USP3: variants seen among roughly 807,000 people sequenced by gnomAD.
USP3 encodes the protein ubiquitin carboxyl-terminal hydrolase 3.
USP3 carries 20 observed loss-of-function variants against 72.3 expected under a neutral mutation model. The observed-to-expected ratio is 0.28, with a 90% CI of 0.19 to 0.40. The LOEUF is 0.40. Among genes scored for constraint, USP3 ranks in the 10% least tolerant of loss-of-function variants. The pLI is 1.00. For synonymous variants in USP3, 222 were observed against 225.3 expected, an observed-to-expected ratio of 0.99 and a Z score of 0.13; for missense variants, 479 against 633.9, an observed-to-expected ratio of 0.76 and a Z score of 2.62.
In USP3 at chr15:63,588,630, A is replaced by ATAGTAG; in HGVS notation, c.1216-69_1216-64dup. Reference sequence around the variant, plus strand: ...AGCTAAAATGTTATTTACTGAACTGATAGTAGTATCAAACTTTGACTGAAA... The same window carrying ATAGTAG: ...AGCTAAAATGTTATTTACTGAACTGATAGTAGTAGTAGTATCAAACTTTGACTGAAA... On this transcript the variant is annotated intron_variant, in intron 12 of 14. Coordinates refer to ENST00000380324, the MANE Select transcript of USP3 (RefSeq NM_006537.4). The surrounding 1 kb of genome is among the most constrained non-coding windows in gnomAD (Gnocchi z 4.6). The ATAGTAG allele has an allele frequency of 1.7e-6, 2 of 1,152,980 alleles. No homozygotes were observed. Among genetic ancestry groups the ATAGTAG allele is most frequent in the Non-Finnish European group, 2.6e-6 (2 of 777,582 alleles). 71.4% of individuals were successfully genotyped at this position (1,152,980 alleles called of 1,614,324 possible).
intron 3 of USP3, among the ~76,000 whole-genome samples, chr15:63,550,683 C>G (rs2066424036): frequency 6.6e-6 from 1 of 152,166 alleles, no homozygotes; most frequent in Non-Finnish European, 1.5e-5. Context: ...CTTAATTGGT[C>G]TTTAATATTG....
At chr15:63,563,877 C>T (rs759651832) in intron 8 of USP3, among the ~76,000 whole-genome samples, 26 of 152,148 alleles carry the variant, frequency 1.7e-4, no homozygotes, top group Non-Finnish European at 2.8e-4. Flanking sequence ...CTTCAAAGGA[C>T]TTTAAATTGT....
intron 1 of USP3, among the ~76,000 whole-genome samples, chr15:63,521,648 G>T (rs1427116149): frequency 6.6e-6 from 1 of 152,138 alleles, no homozygotes; most frequent in African/African-American, 2.4e-5. Flanking sequence ...GCAGTTAACT[G>T]TTCCTTGTAC....
chr15:63,524,352 G>T (rs934461110), intron 1 of USP3, among the ~76,000 whole-genome samples: 1 of 152,240 alleles, frequency 6.6e-6, no homozygotes, highest in Admixed American at 6.5e-5. Context: ...AGTCATTCCA[G>T]TGAGTTGTTT....
At chr15:63,561,549 A>G (rs2066608069) in intron 7 of USP3, among the ~76,000 whole-genome samples, 1 of 152,144 alleles carries the variant, frequency 6.6e-6, no homozygotes, top group African/African-American at 2.4e-5. Flanking sequence ...TGCACTCCGG[A>G]TGGTGCTCTT....
rs754585927 is a variant in USP3, at chr15:63,588,722, A to G, written c.1236A>G (p.Lys412=). ...TCCAGGTGCTATGCTTACATTTGAA[A>G]AGATTTCATTGGACAGCATATTTAA... is the stretch of plus-strand genomic sequence containing the variant. ...KLPKVLCLHL[K]RFHWTAYLRN... Residue 412 remains lysine, a synonymous_variant, in exon 13 of 15, where the codon AAA becomes AAG. Coordinates refer to ENST00000380324, the MANE Select transcript of USP3 (RefSeq NM_006537.4). This position sits in a 1 kb window ranked among gnomAD's most constrained non-coding sequence, Gnocchi z 4.6. The G allele has an allele frequency of 1.2e-6, 2 of 1,613,940 alleles. No individual in the cohort carries two copies. Among genetic ancestry groups the G allele is most frequent in the Non-Finnish European group, 1.7e-6 (2 of 1,179,838 alleles).
At chr15:63,584,983 C>A (rs1322277436) in intron 11 of USP3, among the ~76,000 whole-genome samples, 4 of 152,100 alleles carry the variant, frequency 2.6e-5, no homozygotes, top group Admixed American at 2.6e-4. Context: ...CTAGTTTCCC[C>A]AGCACCATCT....
intron 8 of USP3, among the ~76,000 whole-genome samples, chr15:63,564,568 T>C (rs2066658247): frequency 6.6e-6 from 1 of 152,212 alleles, no homozygotes; most frequent in Non-Finnish European, 1.5e-5. Context: ...TCTTTCCACA[T>C]CTCTGTCCTT....
At chr15:63,537,339 A>T (rs11853890) in intron 3 of USP3, among the ~76,000 whole-genome samples, 183 bp downstream of exon 3, 1 of 151,970 alleles carries the variant, frequency 6.6e-6, no homozygotes, top group Non-Finnish European at 1.5e-5. Context: ...TTTACTTTGC[A>T]TTGTTCCTTT....
intron 1 of USP3, among the ~76,000 whole-genome samples, chr15:63,527,592 G>A (rs187215642): frequency 3.3e-5 from 5 of 152,308 alleles, no homozygotes; most frequent in Admixed American, 3.3e-4. Flanking sequence ...TTCTCTGTAT[G>A]CATACTAACA....
chr15:63,532,114 C>A (rs2066085193), intron 1 of USP3, among the ~76,000 whole-genome samples: 1 of 152,126 alleles, frequency 6.6e-6, no homozygotes, highest in South Asian at 2.1e-4. Flanking sequence ...CTTGATTATA[C>A]CATCAGCAAG....
At chr15:63,538,539 A>C (rs1413106095) in intron 3 of USP3, among the ~76,000 whole-genome samples, 1 of 150,452 alleles carries the variant, frequency 6.6e-6, no homozygotes, top group Non-Finnish European at 1.5e-5. Context: ...GTGGTTTGCC[A>C]GGTCTTTTAC....
chr15:63,534,778 T>C (rs2066130240), intron 2 of USP3, among the ~76,000 whole-genome samples: 1 of 152,202 alleles, frequency 6.6e-6, no homozygotes, highest in African/African-American at 2.4e-5. Flanking sequence ...AGTGGTAATG[T>C]GCTTATTCAG....
intron 1 of USP3, among the ~76,000 whole-genome samples, chr15:63,512,281 CTCTTCTTCCTCT>C (rs1408406093): frequency 2.7e-5 from 4 of 148,408 alleles, no homozygotes; most frequent in South Asian, 4.2e-4. Context: ...CTTCTTCTTC[CTCTTCTTCCTCT>C]TCTTCTTCCT....
intron 11 of USP3, among the ~76,000 whole-genome samples, chr15:63,575,985 CTTTTT>C (rs35737078): frequency 2.1e-4 from 25 of 119,764 alleles, no homozygotes; most frequent in Non-Finnish European, 1.2e-4. Context: ...CTGAACAATA[CTTTTT>C]TTTTTTTTTT....
At chr15:63,541,484 A>G (rs1186176282) in intron 3 of USP3, among the ~76,000 whole-genome samples, 2 of 152,174 alleles carry the variant, frequency 1.3e-5, no homozygotes, top group African/African-American at 4.8e-5. Context: ...TTTAAAAACA[A>G]TATTTTGAAG....
chr15:63,548,899 A>G (rs1021565311), intron 3 of USP3, among the ~76,000 whole-genome samples: 2 of 152,206 alleles, frequency 1.3e-5, no homozygotes, highest in African/African-American at 4.8e-5. Context: ...TTAATTTATT[A>G]TCTCTTTATG....
chr15:63,560,222 C>T (rs1283834990), intron 7 of USP3, among the ~76,000 whole-genome samples: 1 of 152,016 alleles, frequency 6.6e-6, no homozygotes, highest in Non-Finnish European at 1.5e-5. Flanking sequence ...TCAAGACCAG[C>T]CTGGTCAACA....
In USP3 at chr15:63,570,337, GCTGCCGTCCTTTTC is replaced by G; in HGVS notation, c.762-94_762-81del. 1 of 1,532,100 alleles carries G rather than the reference GCTGCCGTCCTTTTC, an allele frequency of 6.5e-7. No individual in the cohort carries two copies. The highest frequency in any genetic ancestry group is 1.2e-5 in the South Asian group (1 of 84,798). 94.9% of individuals were successfully genotyped at this position (1,532,100 alleles called of 1,614,324 possible). On this transcript the variant is annotated intron_variant, in intron 8 of 14. Coordinates refer to ENST00000380324, the MANE Select transcript of USP3 (RefSeq NM_006537.4). The surrounding 1 kb of genome is among the most constrained non-coding windows in gnomAD (Gnocchi z 4.4). ...GCCTGGCTGTGCTTGTGAGCACGGG[GCTGCCGTCCTTTTC>G]CACGCCTTGGCCTCTTGCTGGTGTG...
Sources: allele counts gnomAD v4.1 joint callset (sites outside exome capture counted in the v4.1 genomes callset), GRCh38; gene constraint gnomAD v4.1.1; non-coding constraint Gnocchi (gnomAD v3.1); transcripts MANE v1.5; gene names NCBI Gene and HGNC (gene_info 2026-07-23, HGNC 2026-07-21).